The following BCL11A variants were observed in gnomAD, a reference collection of about 807,000 sequenced individuals.
BCL11A encodes the protein BCL11 transcription factor A.
In BCL11A, 2 loss-of-function variants were observed where a neutral mutation model predicts 55.9. The ratio of observed to expected loss-of-function variants is 0.04; its 90% CI spans 0.01 to 0.11. The LOEUF is 0.11. Among genes scored for constraint, BCL11A ranks in the 10% least tolerant of loss-of-function variants. The pLI, the probability that BCL11A is intolerant of heterozygous loss-of-function variation, is 1.00. For synonymous variants in BCL11A, 465 were observed against 473.4 expected (o/e 0.98, Z 0.23); for missense variants, 817 against 1,137.1 (o/e 0.72, Z 4.05).
intron 2 of BCL11A, among the ~76,000 whole-genome samples, chr2:60,495,491 T>C (rs938220834): frequency 1.3e-5 from 2 of 152,216 alleles, no homozygotes; most frequent in Non-Finnish European, 2.9e-5. Flanking sequence ...CCAAGTCCTG[T>C]CTAGCTGCCT....
Position 60,460,749 on chromosome 2 carries a change from G to T in BCL11A, c.2163C>A (p.Ser721Arg). 1.2e-6 allele frequency: 2 copies of T among 1,613,938 alleles called. No individual in the cohort carries two copies. Among genetic ancestry groups the T allele is most frequent in the Non-Finnish European group, 1.7e-6 (2 of 1,180,042 alleles). Residue 721 changes from serine to arginine, a missense_variant, in exon 4 of 4, where the codon AGC becomes AGA. Transcript: ENST00000642384. ...GGCCCGGACCACTAATATGGGGCGT[G>T]CTCCCTCCACTTCCCGTGCCGCTGC... ...SGRSGTGSGGSTPHISGPGPG... is the reference protein window; with the variant it reads ...SGRSGTGSGGRTPHISGPGPG...
rs79766695 is a variant in BCL11A at position 60,516,090 on chromosome 2, C to A, written c.385+29881G>T. On this transcript the variant is annotated intron_variant, in intron 2 of 3. Transcript: ENST00000642384. ...AGGGAAGCAGGGATTGAAAATCTAG[C>A]CTTGTGGCCATAAGCCTGTGATGAC... Among the ~76,000 whole-genome samples, 318 of 152,314 alleles carry A rather than the reference C, an allele frequency of 2.1e-3. 3 individuals are homozygous for A. The highest frequency in any genetic ancestry group is 2.4e-3 in the Non-Finnish European group (165 of 68,020).
intron 2 of BCL11A, among the ~76,000 whole-genome samples, chr2:60,473,476 T>G (rs1340747580): frequency 6.6e-6 from 1 of 152,152 alleles, no homozygotes; most frequent in Non-Finnish European, 1.5e-5. Context: ...ATGTACCACC[T>G]TCTAGACTAC....
At chr2:60,503,342 T>A (rs1679401268) in intron 2 of BCL11A, among the ~76,000 whole-genome samples, 1 of 152,178 alleles carries the variant, frequency 6.6e-6, no homozygotes, top group Non-Finnish European at 1.5e-5. Context: ...GCATTGTGAC[T>A]TTTTATTAAA....
At position 60,461,154 on chromosome 2, in the gene BCL11A, G is replaced by A. The variant is rs1049336006; in HGVS notation, c.1758C>T (p.Asp586=). 6 of 1,612,178 alleles carry A rather than the reference G, an allele frequency of 3.7e-6. No homozygotes were observed. The highest frequency in any genetic ancestry group is 2.2e-5 in the East Asian group (1 of 44,868). The change falls in exon 4 of 4, where the codon GAC becomes GAT. Residue 586 remains aspartate, a synonymous_variant. Transcript: ENST00000642384. ...AEAEGHRDTC[D]EDSVAGESDR... is the part of the protein sequence containing the mutation. ...CCGACTCGCCGGCCACCGAGTCTTC[G>A]TCGCAAGTGTCCCTGTGGCCCTCGG...
intron 2 of BCL11A, among the ~76,000 whole-genome samples, chr2:60,503,791 C>A (rs1182633005): frequency 6.6e-6 from 1 of 152,196 alleles, no homozygotes; most frequent in Non-Finnish European, 1.5e-5. Context: ...CTAAAGCCCA[C>A]TGCAAGGGAC....
intron 2 of BCL11A, among the ~76,000 whole-genome samples, chr2:60,507,993 G>T (rs1679743108): frequency 6.6e-6 from 1 of 152,100 alleles, no homozygotes; most frequent in Admixed American, 6.5e-5. Flanking sequence ...ATGGTCTTCG[G>T]TGTTGGTTCC....
intron 3 of BCL11A, among the ~76,000 whole-genome samples, chr2:60,467,890 AGTGATGGTGG>A (rs1676908363): frequency 8.2e-5 from 1 of 12,174 alleles, no homozygotes; most frequent in Non-Finnish European, 1.8e-4. Flanking sequence ...TGGTGGTGGT[AGTGATGGTGG>A]TGGTAATGGT....
intron 3 of BCL11A, among the ~76,000 whole-genome samples, chr2:60,467,867 C>A (rs1420300166): frequency 6.2e-5 from 2 of 32,406 alleles, no homozygotes; most frequent in African/African-American, 1.2e-4. Flanking sequence ...GGTGATGGTA[C>A]TGGTGGTGAT....
Position 60,457,402 on chromosome 2 carries a change from C to G in BCL11A, c.*3002G>C. 1 of 1,026,684 alleles carries G rather than the reference C, an allele frequency of 9.7e-7. No homozygotes were observed. The highest frequency in any genetic ancestry group is 1.2e-6 in the Non-Finnish European group (1 of 852,582). The allele number at this position is 1,026,684 out of a possible 1,614,324, so 63.6% of individuals were successfully genotyped here. ...ATAAAAACAAAGAAAAATAAAAGAT[C>G]AAATTAAGTGCCTCTGTTTTGAACA... On this transcript the variant is annotated 3_prime_UTR_variant, in exon 4 of 4. Coordinates refer to ENST00000642384, the MANE Select transcript of BCL11A (RefSeq NM_022893.4).
intron 2 of BCL11A, among the ~76,000 whole-genome samples, chr2:60,477,444 C>G (rs1164257911): frequency 6.6e-6 from 1 of 152,012 alleles, no homozygotes; most frequent in Non-Finnish European, 1.5e-5. Context: ...CTAAAGAAAA[C>G]CAAACATGGG....
chr2:60,460,215 A>C lies in BCL11A; in HGVS notation c.*189T>G. On this transcript the variant is annotated 3_prime_UTR_variant, in exon 4 of 4. Coordinates refer to ENST00000642384, the MANE Select transcript of BCL11A (RefSeq NM_022893.4). ...GAAAAAAGAAAAAGAAAAAGAAAAA[A>C]AACAGGTGTGCTGGTGACAAGCACT... 1 of 1,312,556 alleles carries C rather than the reference A, an allele frequency of 7.6e-7. No homozygotes were observed. The highest frequency in any genetic ancestry group is 9.7e-7 in the Non-Finnish European group (1 of 1,034,068). The allele number at this position is 1,312,556 out of a possible 1,614,324, so 81.3% of individuals were successfully genotyped here.
At position 60,461,166 on chromosome 2, in the gene BCL11A, C is replaced by T. The variant is rs755142931; in HGVS notation, c.1746G>A (p.Arg582=). The change falls in exon 4 of 4, where the codon AGG becomes AGA. Residue 582 remains arginine, a synonymous_variant. Coordinates refer to ENST00000642384, the MANE Select transcript of BCL11A (RefSeq NM_022893.4). ...CCACCGAGTCTTCGTCGCAAGTGTC[C>T]CTGTGGCCCTCGGCCTCGGCCAGGT... ...RGHLAEAEGH[R]DTCDEDSVAG... 1.2e-6 allele frequency: 2 copies of T among 1,612,612 alleles called. No individual in the cohort carries two copies. Among genetic ancestry groups the T allele is most frequent in the South Asian group, 1.1e-5 (1 of 91,054 alleles).
intron 2 of BCL11A, chr2:60,521,954 T>C (rs1422779448): frequency 1.3e-5 from 2 of 152,226 alleles, no homozygotes; most frequent in African/African-American, 4.8e-5. Context: ...AAATGACCCC[T>C]TCACAATGAA....
At chr2:60,475,503 T>C (rs970552172) in intron 2 of BCL11A, among the ~76,000 whole-genome samples, 4 of 152,240 alleles carry the variant, frequency 2.6e-5, no homozygotes, top group African/African-American at 7.2e-5. Context: ...ATTTCAGATG[T>C]CTCATTGCCA....
At position 60,462,215 on chromosome 2, in the gene BCL11A, C is replaced by A; in HGVS notation, c.697G>T (p.Ala233Ser). ...SQPPLHGIHI[A>S]DNNPFNLLRI... Reference sequence around the variant, plus strand: ...AGCAGGTTAAAGGGGTTATTGTCTGCAATATGAATCCCATGGAGAGGTGGC... The same window carrying A: ...AGCAGGTTAAAGGGGTTATTGTCTGAAATATGAATCCCATGGAGAGGTGGC... The change falls in exon 4 of 4, where the codon GCA becomes TCA. Residue 233 changes from alanine (A) to serine (S), a missense_variant. Ala to Ser is a moderately conservative substitution (Grantham distance 99, BLOSUM62 1). Transcript: ENST00000642384. 4 of 1,611,834 alleles carry A rather than the reference C, an allele frequency of 2.5e-6. No homozygotes were observed. The highest frequency in any genetic ancestry group is 3.4e-6 in the Non-Finnish European group (4 of 1,178,866).
At chr2:60,518,126 T>C (rs940993321) in intron 2 of BCL11A, among the ~76,000 whole-genome samples, 3 of 152,192 alleles carry the variant, frequency 2.0e-5, no homozygotes, top group African/African-American at 7.2e-5. Flanking sequence ...ACCCTGTCTC[T>C]ACAAAAAGCT....
intron 2 of BCL11A, among the ~76,000 whole-genome samples, chr2:60,482,108 G>C (rs112361751): frequency 6.6e-6 from 1 of 152,128 alleles, no homozygotes; most frequent in East Asian, 1.9e-4. Flanking sequence ...GTTAAGGGGC[G>C]GGTGGTTTGA....
At chr2:60,525,393 C>T (rs1225488283) in intron 2 of BCL11A, 2 of 152,188 alleles carry the variant, frequency 1.3e-5, no homozygotes, top group African/African-American at 4.8e-5. Context: ...CATTATACTG[C>T]ACTTCAATTT....
Sources: allele counts gnomAD v4.1 joint callset (sites outside exome capture counted in the v4.1 genomes callset), GRCh38; gene constraint gnomAD v4.1.1; transcripts MANE v1.5; gene names NCBI Gene and HGNC (gene_info 2026-07-23, HGNC 2026-07-21).